Variants in GJC2 observed in about 807,000 individuals in gnomAD.
GJC2 encodes the protein gap junction gamma-2 protein.
For missense variants in GJC2, 647 were observed against 648.9 expected, an observed-to-expected ratio of 1.00 and a Z score of 0.03; for synonymous variants, 336 against 307.5, an observed-to-expected ratio of 1.09 and a Z score of -0.97.
Position 228,157,741 on chromosome 1 carries a change from A to ACGCCC in GJC2, c.-17_-16insGCCCC. ...GCTGACCCCTACCCCGCCCCACAGG[A>ACGCCC]CCCGCCCGCCCGCCCCTATGACCAA... On this transcript the variant is annotated splice_region_variant and 5_prime_UTR_variant, in exon 2 of 2. Transcript: ENST00000366714. The ACGCCC allele has an allele frequency of 2.8e-6, 1 of 354,470 alleles. No individual in the cohort carries two copies. Among genetic ancestry groups the ACGCCC allele is most frequent in the Admixed American group, 3.4e-5 (1 of 29,484 alleles). 22.0% of individuals were successfully genotyped at this position (354,470 alleles called of 1,614,324 possible). A position where few individuals can be genotyped will look rare whatever the true frequency, so the allele number is the denominator to read the frequency against.
Position 228,158,204 on chromosome 1 carries a change from G to C in GJC2, c.446G>C (p.Gly149Ala). The C allele has an allele frequency of 6.7e-7, 1 of 1,482,206 alleles. No homozygotes were observed. Among genetic ancestry groups the C allele is most frequent in the Non-Finnish European group, 8.9e-7 (1 of 1,120,260 alleles). The allele number at this position is 1,482,206 out of a possible 1,614,324, so 91.8% of individuals were successfully genotyped here. The change falls in exon 2 of 2, where the codon GGC (glycine) becomes GCC (alanine). Residue 149 changes from glycine (G) to alanine (A), a missense_variant. Transcript: ENST00000366714. The surrounding 1 kb of genome is among the most constrained non-coding windows in gnomAD (Gnocchi z 8.3). The part of the protein sequence containing the change: ...ADLGEEEPML[G>A]LGEEEEEEET... ...CTGGGCGAGGAGGAGCCCATGCTGG[G>C]CCTGGGCGAGGAGGAGGAGGAGGAG...
At position 228,152,687 on chromosome 1, in the gene GJC2, C is replaced by T. The variant is rs1022241664; in HGVS notation, c.-20+2680C>T. Among the ~76,000 whole-genome samples the T allele has an allele frequency of 2.0e-5, 3 of 151,850 alleles. No individual in the cohort carries two copies. The highest frequency in any genetic ancestry group is 7.3e-5 in the African/African-American group (3 of 41,314). The stretch of plus-strand genomic sequence containing the variant: ...GCCCCCACTGTGAAGCCCCCTTTCA[C>T]ACCCTGGCCTAGTAGCGAGCCCCCA... On this transcript the variant is annotated intron_variant, in intron 1 of 1. Coordinates refer to ENST00000366714, the MANE Select transcript of GJC2 (RefSeq NM_020435.4). The surrounding 1 kb of genome is among the most constrained non-coding windows in gnomAD (Gnocchi z 7.3).
intron 1 of GJC2, among the ~76,000 whole-genome samples, chr1:228,153,568 C>T (rs2034645089): frequency 6.9e-6 from 1 of 145,206 alleles, no homozygotes; most frequent in South Asian, 2.2e-4. Flanking sequence ...TATTAAGACC[C>T]CATTTCTCTT....
chr1:228,158,609 G>A lies in GJC2; in HGVS notation c.851G>A (p.Cys284Tyr). ...TGCCTGTGCCTGCTGCTCAACCTCT[G>A]TGAGATGGCCCACCTGGGCTTGGGC... ...VSCLCLLLNL[C>Y]EMAHLGLGSA... is the part of the protein sequence containing the mutation. The change falls in exon 2 of 2, where the codon TGT becomes TAT. Residue 284 changes from cysteine (C) to tyrosine (Y), a missense_variant. Physicochemically the swap from Cys to Tyr is radical, Grantham distance 194 (BLOSUM62 -2). Transcript: ENST00000366714. The surrounding 1 kb of genome is among the most constrained non-coding windows in gnomAD (Gnocchi z 8.3). 8.7e-6 allele frequency: 14 copies of A among 1,610,752 alleles called. No individual in the cohort carries two copies. The South Asian group carries it at 1.5e-4, about 18-fold the overall frequency.
intron 1 of GJC2, among the ~76,000 whole-genome samples, chr1:228,156,200 GGTT>G (rs895301517): frequency 1.5e-4 from 23 of 152,168 alleles, no homozygotes; most frequent in African/African-American, 5.6e-4. Flanking sequence ...ATGTGTATGT[GGTT>G]GTGCATACGT....
Position 228,157,748 on chromosome 1 carries a change from C to T in GJC2, c.-11C>T, listed in dbSNP as rs1558119374. The T allele has an allele frequency of 2.9e-5, 12 of 420,724 alleles. 1 individual carries two copies. The highest frequency in any genetic ancestry group is 4.8e-5 in the Non-Finnish European group (10 of 207,760). The allele number at this position is 420,724 out of a possible 1,614,324, so 26.1% of individuals were successfully genotyped here. A position where few individuals can be genotyped will look rare whatever the true frequency, so the allele number is the denominator to read the frequency against. ...CCTACCCCGCCCCACAGGACCCGCC[C>T]GCCCGCCCCTATGACCAACATGAGC... On this transcript the variant is annotated 5_prime_UTR_variant, in exon 2 of 2. Coordinates refer to ENST00000366714, the MANE Select transcript of GJC2 (RefSeq NM_020435.4).
At chr1:228,157,183 G>C (rs1345694829) in intron 1 of GJC2, among the ~76,000 whole-genome samples, 2 of 150,518 alleles carry the variant, frequency 1.3e-5, no homozygotes, top group Admixed American at 1.3e-4. Flanking sequence ...CCAGGGTGTG[G>C]AGGGAGGCAG....
chr1:228,156,159 T>C lies in GJC2; in HGVS notation c.-19-1581T>C, dbSNP rs113007924. The stretch of plus-strand genomic sequence containing the variant: ...GTGCCTGATCACACGTGTGTGTGTG[T>C]GCACGGGTCTGTGTGCATGTGTGTG... On this transcript the variant is annotated intron_variant, in intron 1 of 1. Coordinates refer to ENST00000366714, the MANE Select transcript of GJC2 (RefSeq NM_020435.4). Among the ~76,000 whole-genome samples, 1,496 of 152,352 alleles carry C rather than the reference T, an allele frequency of 9.8e-3. 28 individuals carry two copies. The highest frequency in any genetic ancestry group is 0.033 in the African/African-American group (1,366 of 41,576).
rs749038681 is a variant in GJC2 at position 228,151,087 on chromosome 1, GT to G, written c.-20+1082del. On this transcript the variant is annotated intron_variant, in intron 1 of 1. Coordinates refer to ENST00000366714, the MANE Select transcript of GJC2 (RefSeq NM_020435.4). This position sits in a 1 kb window ranked among gnomAD's most constrained non-coding sequence, Gnocchi z 5.4. ...CCTCACTTCTGGGCCTGACAGCTCTGTTCCTGCTTGGGACCCTGAGGGAGGG... is the reference window on the plus strand; with the variant it reads ...CCTCACTTCTGGGCCTGACAGCTCTGTCCTGCTTGGGACCCTGAGGGAGGG... Among the ~76,000 whole-genome samples the G allele has an allele frequency of 1.2e-4, 19 of 152,264 alleles. No individual in the cohort carries two copies. The highest frequency in any genetic ancestry group is 4.6e-4 in the African/African-American group (19 of 41,556).
Position 228,159,431 on chromosome 1 carries a change from G to A in GJC2, c.*353G>A. 3.7e-6 allele frequency: 1 copy of A among 269,718 alleles called. No homozygotes were observed. Among genetic ancestry groups the A allele is most frequent in the Non-Finnish European group, 7.5e-6 (1 of 132,508 alleles). The allele number at this position is 269,718 out of a possible 1,614,324, so 16.7% of individuals were successfully genotyped here. ...GTGCTTCCCTGCAGCAACCCATGGA[G>A]GGCCCAGGGTGCCTGGTATGGGCAT... On this transcript the variant is annotated 3_prime_UTR_variant, in exon 2 of 2. Transcript: ENST00000366714. This position sits in a 1 kb window ranked among gnomAD's most constrained non-coding sequence, Gnocchi z 4.0.
At chr1:228,154,835 A>C (rs1038823268) in intron 1 of GJC2, among the ~76,000 whole-genome samples, 3 of 152,202 alleles carry the variant, frequency 2.0e-5, no homozygotes, top group Non-Finnish European at 2.9e-5. Flanking sequence ...AGTTTGCGCC[A>C]GGCTCTTCTG....
Position 228,158,211 on chromosome 1 carries a change from C to CGAGGAGGAG in GJC2, c.466_474dup (p.Glu156_Glu158dup), listed in dbSNP as rs746050475. 6 of 1,479,990 alleles carry CGAGGAGGAG rather than the reference C, an allele frequency of 4.1e-6. No individual in the cohort carries two copies. The highest frequency in any genetic ancestry group is 4.8e-4 in the Middle Eastern group (2 of 4,162). The allele number at this position is 1,479,990 out of a possible 1,614,324, so 91.7% of individuals were successfully genotyped here. ...AGGAGGAGCCCATGCTGGGCCTGGG[C>CGAGGAGGAG]GAGGAGGAGGAGGAGGAGGAGACGG... On this transcript the variant is annotated inframe_insertion, in exon 2 of 2. Transcript: ENST00000366714. This position sits in a 1 kb window ranked among gnomAD's most constrained non-coding sequence, Gnocchi z 8.3.
intron 1 of GJC2, among the ~76,000 whole-genome samples, chr1:228,156,561 T>A (rs1489231375): frequency 6.6e-6 from 1 of 152,224 alleles, no homozygotes; most frequent in African/African-American, 2.4e-5. Context: ...GAACCCTGAC[T>A]GCCCCCTCTT....
At chr1:228,156,749 G>A (rs989080286) in intron 1 of GJC2, among the ~76,000 whole-genome samples, 1 of 152,244 alleles carries the variant, frequency 6.6e-6, no homozygotes, top group Non-Finnish European at 1.5e-5. Flanking sequence ...ACTGGCCCTG[G>A]GGCAACCGCC....
chr1:228,159,142 G>A lies in GJC2; in HGVS notation c.*64G>A, dbSNP rs1399687539. 1.3e-6 allele frequency: 2 copies of A among 1,559,384 alleles called. No homozygotes were observed. The highest frequency in any genetic ancestry group is 1.1e-5 in the South Asian group (1 of 88,702). ...TTGGGGGGCTCCGGTGGAAACCTGC[G>A]ACCCCTTCTCCTCAGCCTTCTCCTT... On this transcript the variant is annotated 3_prime_UTR_variant, in exon 2 of 2. Transcript: ENST00000366714. This position sits in a 1 kb window ranked among gnomAD's most constrained non-coding sequence, Gnocchi z 4.0.
rs1192209280 is a variant in GJC2 at position 228,153,913 on chromosome 1, A to G, written c.-19-3827A>G. Among the ~76,000 whole-genome samples, 3 of 151,904 alleles carry G rather than the reference A, an allele frequency of 2.0e-5. No homozygotes were observed. In the East Asian group the frequency reaches 5.9e-4, roughly 30 times the overall value. Reference sequence around the variant, plus strand: ...CCATTTCTTAAAAAATAAAAATAAAAATTGCCAGCATGGTGGCATGTGCCT... The same window carrying G: ...CCATTTCTTAAAAAATAAAAATAAAGATTGCCAGCATGGTGGCATGTGCCT... On this transcript the variant is annotated intron_variant, in intron 1 of 1. Transcript: ENST00000366714.
At chr1:228,154,428 A>G (rs1558118394) in intron 1 of GJC2, among the ~76,000 whole-genome samples, 1 of 152,186 alleles carries the variant, frequency 6.6e-6, no homozygotes, top group Non-Finnish European at 1.5e-5. Flanking sequence ...GATGCTGTGA[A>G]GCATCCACAC....
rs757840037 is a variant in GJC2 at position 228,158,622 on chromosome 1, C to T, written c.864C>T (p.His288=). ...CLLLNLCEMA[H]LGLGSAQDAV... is the part of the protein sequence containing the mutation. Reference sequence around the variant, plus strand: ...TGCTCAACCTCTGTGAGATGGCCCACCTGGGCTTGGGCAGCGCGCAGGACG... The same window carrying T: ...TGCTCAACCTCTGTGAGATGGCCCATCTGGGCTTGGGCAGCGCGCAGGACG... Residue 288 remains histidine, a synonymous_variant, in exon 2 of 2, where the codon CAC becomes CAT. Coordinates refer to ENST00000366714, the MANE Select transcript of GJC2 (RefSeq NM_020435.4). The surrounding 1 kb of genome is among the most constrained non-coding windows in gnomAD (Gnocchi z 8.3). 6.2e-7 allele frequency: 1 copy of T among 1,609,352 alleles called. No homozygotes were observed. The highest frequency in any genetic ancestry group is 8.5e-7 in the Non-Finnish European group (1 of 1,178,372).
chr1:228,157,691 G>A lies in GJC2; in HGVS notation c.-19-49G>A, dbSNP rs549625102. ...GCCTGGAGCCCCGGCTCTGAGCGCC[G>A]CGGGCTCCTAAGTGCAGGCCCCTGG... On this transcript the variant is annotated intron_variant, in intron 1 of 1. Transcript: ENST00000366714. The A allele has an allele frequency of 2.7e-6, 3 of 1,124,890 alleles. No homozygotes were observed. In the East Asian group the frequency reaches 7.8e-5, roughly 29 times the overall value. The allele number at this position is 1,124,890 out of a possible 1,614,324, so 69.7% of individuals were successfully genotyped here.
Sources: allele counts gnomAD v4.1 joint callset (sites outside exome capture counted in the v4.1 genomes callset), GRCh38; gene constraint gnomAD v4.1.1; non-coding constraint Gnocchi (gnomAD v3.1); transcripts MANE v1.5; gene names NCBI Gene and HGNC (gene_info 2026-07-23, HGNC 2026-07-21).